EDDM13: variants seen among roughly 807,000 people sequenced by gnomAD.
EDDM13 encodes epididymal protein 13.
In EDDM13, 24 loss-of-function variants were observed where a neutral mutation model predicts 17.8. That is an observed-to-expected ratio of 1.35 (90% CI 0.98 to 1.90). The LOEUF (loss-of-function observed/expected upper bound fraction) is 1.90. Among genes scored for constraint, EDDM13 ranks in the 40% most tolerant of loss-of-function variants. The pLI is 0.00. For missense variants in EDDM13, 97 were observed against 100.8 expected (o/e 0.96, Z 0.16); for synonymous variants, 31 against 37.5 (o/e 0.83, Z 0.63).
At chr19:56,284,550 T>C (rs1195645882) in intron 5 of EDDM13, among the ~76,000 whole-genome samples, 1 of 144,072 alleles carries the variant, frequency 6.9e-6, no homozygotes, top group African/African-American at 2.5e-5. Flanking sequence ...AGTCTTGCTC[T>C]GTCACTCAGG....
chr19:56,304,928 G>A (rs550222971), intron 14 of EDDM13, 98 bp downstream of exon 14: 54 of 344,430 alleles, frequency 1.6e-4, no homozygotes, highest in African/African-American at 1.1e-3. Flanking sequence ...GAACACAGGT[G>A]GATTTGGAAG....
intron 5 of EDDM13, among the ~76,000 whole-genome samples, chr19:56,284,513 A>ATTTTTTTTTTTTTTTTTTTTTTTTTT (rs11374260): frequency 8.5e-6 from 1 of 118,318 alleles, no homozygotes; most frequent in Non-Finnish European, 1.7e-5. Context: ...GCTTGCTGTA[A>ATTTTTTTTTTTTTTTTTTTTTTTTTT]TTTTTTTTTT....
Position 56,302,558 on chromosome 19 carries a change from TCCC to T in EDDM13, c.423+467_423+469del, listed in dbSNP as rs1164203036. Among the ~76,000 whole-genome samples, 12 of 29,248 alleles carry T rather than the reference TCCC, an allele frequency of 4.1e-4. No homozygotes were observed. In the East Asian group the frequency reaches 6.8e-3, roughly 17 times the overall value. 19.2% of individuals were successfully genotyped at this position (29,248 alleles called of 152,430 possible). On this transcript the variant is annotated intron_variant, in intron 13 of 14. Transcript: ENST00000649256. ...TTCTTCCTCCCCGTTCCTCCCTCCC[TCCC>T]CCCTTCCTTTTCTTCCTCCCCCTTT...
chr19:56,280,588 C>T (rs925430188), intron 2 of EDDM13: 2 of 151,888 alleles, frequency 1.3e-5, no homozygotes, highest in Non-Finnish European at 2.9e-5. Flanking sequence ...AACAGAATAC[C>T]TGAGACTGGA....
chr19:56,299,533 C>T (rs973330915), intron 12 of EDDM13, among the ~76,000 whole-genome samples: 1 of 152,056 alleles, frequency 6.6e-6, no homozygotes. Flanking sequence ...AAAGAACAAG[C>T]TGTTTAAGGT....
chr19:56,285,038 T>C lies in EDDM13; in HGVS notation c.154+14T>C, dbSNP rs1600184032. 1.7e-5 allele frequency: 17 copies of C among 985,092 alleles called. No individual in the cohort carries two copies. The highest frequency in any genetic ancestry group is 2.0e-5 in the Non-Finnish European group (17 of 829,602). The allele number at this position is 985,092 out of a possible 1,614,324, so 61.0% of individuals were successfully genotyped here. On this transcript the variant is annotated intron_variant, in intron 6 of 14. Coordinates refer to ENST00000649256, the MANE Select transcript of EDDM13 (RefSeq NM_001354658.2). ...TGTCACCGGATGGTAAGTGTCAGGA[T>C]TGTATCTTTTAAACCTGGTCTTTCT... is the stretch of plus-strand genomic sequence containing the variant.
chr19:56,301,850 T>C, intron 12 of EDDM13, 118 bp from the exon 13 acceptor site: 1 of 1,190,736 alleles, frequency 8.4e-7, no homozygotes, highest in Non-Finnish European at 1.1e-6. Flanking sequence ...AAATTTCAAT[T>C]CAGGAGGCAG....
chr19:56,284,321 T>C (rs752856100), intron 5 of EDDM13, 115 bp downstream of exon 5: 6 of 260,578 alleles, frequency 2.3e-5, no homozygotes, highest in Non-Finnish European at 3.6e-5. Flanking sequence ...TGGTGGGTTT[T>C]AGATGATAAA....
chr19:56,285,759 A>C (rs11880422), intron 6 of EDDM13, among the ~76,000 whole-genome samples: 4 of 151,676 alleles, frequency 2.6e-5, no homozygotes, highest in African/African-American at 9.7e-5. Context: ...GATTACAGGC[A>C]TGAGCCATCA....
intron 2 of EDDM13, among the ~76,000 whole-genome samples, chr19:56,278,618 T>C (rs2038444554): frequency 6.6e-6 from 1 of 152,172 alleles, no homozygotes; most frequent in African/African-American, 2.4e-5. Flanking sequence ...ACAAATTTCT[T>C]AGGGGAATTA....
chr19:56,274,548 A>G (rs928049555), intron 1 of EDDM13: 2 of 152,168 alleles, frequency 1.3e-5, no homozygotes, highest in African/African-American at 4.8e-5. Context: ...GAAAAGTCAC[A>G]AAAATTAAGT....
intron 9 of EDDM13, among the ~76,000 whole-genome samples, chr19:56,294,821 A>G (rs936696423): frequency 6.6e-6 from 1 of 152,270 alleles, no homozygotes; most frequent in African/African-American, 2.4e-5. Flanking sequence ...GTGCTGACAC[A>G]GGACACAACA....
intron 7 of EDDM13, among the ~76,000 whole-genome samples, 41 bp from the exon 8 acceptor site, chr19:56,288,833 C>T (rs17273365): frequency 0.44 from 66,901 of 152,070 alleles, 15,609 homozygotes; most frequent in Non-Finnish European, 0.52. Flanking sequence ...TCTACTCTGC[C>T]CCTCCGTTGC....
Position 56,301,968 on chromosome 19 carries a change from T to C in EDDM13, c.296T>C (p.Val99Ala). 2 of 1,232,096 alleles carry C rather than the reference T, an allele frequency of 1.6e-6. No individual in the cohort carries two copies. The highest frequency in any genetic ancestry group is 2.0e-6 in the Non-Finnish European group (2 of 988,298). The allele number at this position is 1,232,096 out of a possible 1,614,324, so 76.3% of individuals were successfully genotyped here. Reference sequence around the variant, plus strand: ...CAATCATCTCCACGGTTCTCTCCAGTTAAACCCTTCTCAGGCACCACCCCA... The same window carrying C: ...CAATCATCTCCACGGTTCTCTCCAGCTAAACCCTTCTCAGGCACCACCCCA... The part of the protein sequence containing the change: ...HEETSGCKEE[V>A]KPFSGTTPSR... The change falls in exon 13 of 15, where the codon GTT (valine) becomes GCT (alanine). Residue 99 changes from valine (V) to alanine (A), a missense_variant and splice_region_variant. Transcript: ENST00000649256.
intron 13 of EDDM13, among the ~76,000 whole-genome samples, chr19:56,303,307 G>A (rs1010243619): frequency 8.6e-5 from 13 of 151,836 alleles, no homozygotes; most frequent in South Asian, 2.1e-4. Flanking sequence ...GTGAAACCCC[G>A]TCTCTACTAA....
At chr19:56,276,065 C>G (rs1300547508) in intron 1 of EDDM13, among the ~76,000 whole-genome samples, 27 bp from the exon 2 acceptor site, 3 of 152,194 alleles carry the variant, frequency 2.0e-5, no homozygotes, top group African/African-American at 7.2e-5. Flanking sequence ...CCGTTGTGAA[C>G]TGGCTGGCTG....
intron 6 of EDDM13, among the ~76,000 whole-genome samples, chr19:56,287,755 G>C (rs2039236187): frequency 6.6e-6 from 1 of 152,190 alleles, no homozygotes; most frequent in African/African-American, 2.4e-5. Context: ...GGGCTGGAAG[G>C]AGGCAGAGCA....
chr19:56,283,015 G>A (rs959085526), intron 4 of EDDM13: 1 of 152,228 alleles, frequency 6.6e-6, no homozygotes, highest in African/African-American at 2.4e-5. Context: ...GCAGAAAGGG[G>A]ACAAGGCCCA....
In EDDM13 at chr19:56,292,451, G is replaced by GTTTTTACTTTTTTTTTTTT. The variant is rs773199120; in HGVS notation, c.232+1607_232+1625dup. ...CTAATTATTTTTGGTTTTTTTGTCT[G>GTTTTTACTTTTTTTTTTTT]TTTTTACTTTTTTTTTTTTTACTTT... is the stretch of plus-strand genomic sequence containing the variant. On this transcript the variant is annotated intron_variant, in intron 9 of 14. Transcript: ENST00000649256. Among the ~76,000 whole-genome samples the GTTTTTACTTTTTTTTTTTT allele has an allele frequency of 1.9e-4, 28 of 144,770 alleles. No homozygotes were observed. The Middle Eastern group carries it at 0.012, about 61-fold the overall frequency. 95.0% of individuals were successfully genotyped at this position (144,770 alleles called of 152,430 possible). A position where few individuals can be genotyped will look rare whatever the true frequency, so the allele number is the denominator to read the frequency against.
Sources: gnomAD v4.1 joint callset for allele counts (sites outside exome capture counted in the v4.1 genomes callset) on GRCh38, gnomAD v4.1.1 for gene constraint, MANE v1.5 for transcripts, NCBI Gene and HGNC (gene_info 2026-07-23, HGNC 2026-07-21) for gene names.